The following STMN1 variants were observed in gnomAD, a reference collection of about 807,000 sequenced individuals.
STMN1 encodes stathmin 1.
In STMN1, 3 loss-of-function variants were observed where a neutral mutation model predicts 19.7. That is an observed-to-expected ratio of 0.15 (90% CI 0.07 to 0.39). The LOEUF is 0.39. Among genes scored for constraint, STMN1 ranks in the 10% least tolerant of loss-of-function variants. STMN1 has a pLI of 1.00. For synonymous variants in STMN1, 59 were observed against 58.9 expected, an observed-to-expected ratio of 1.00 and a Z score of -0.01; for missense variants, 99 against 176.0, an observed-to-expected ratio of 0.56 and a Z score of 2.48.
chr1:25,885,503 C>A (rs1398282867), exon 5 of STMN1: 1 of 524,846 alleles, frequency 1.9e-6, no homozygotes, highest in South Asian at 3.6e-5. Flanking sequence ...TCTGTCCTTA[C>A]AACAAACCAC....
rs2048857509 is a variant in STMN1, at chr1:25,900,377, C to T, written c.*639G>A. 1 of 985,574 alleles carries T rather than the reference C, an allele frequency of 1.0e-6. No individual in the cohort carries two copies. The highest frequency in any genetic ancestry group is 1.2e-6 in the Non-Finnish European group (1 of 829,928). The allele number at this position is 985,574 out of a possible 1,614,324, so 61.1% of individuals were successfully genotyped here. A position where few individuals can be genotyped will look rare whatever the true frequency, so the allele number is the denominator to read the frequency against. The stretch of plus-strand genomic sequence containing the variant: ...AACAGCTGACCTGGGCTGAGGCATC[C>T]AAACAAAGCAGTCATTGTGGAAGGA... On this transcript the variant is annotated 3_prime_UTR_variant, in exon 5 of 5. Transcript: ENST00000455785.
intron 4 of STMN1, among the ~76,000 whole-genome samples, chr1:25,891,941 A>AG (rs1352057367): frequency 6.6e-6 from 1 of 152,170 alleles, no homozygotes; most frequent in Non-Finnish European, 1.5e-5. Context: ...GCAGCCTGCG[A>AG]GGGGGTCTCT....
intron 3 of STMN1, 145 bp from the exon 4 acceptor site, chr1:25,901,827 T>C (rs2048878421): frequency 3.0e-6 from 2 of 673,222 alleles, no homozygotes; most frequent in Non-Finnish European, 4.6e-6. Context: ...CTGGCCAACA[T>C]GGTGAAATCC....
At chr1:25,897,047 G>A (rs1407579664), downstream of STMN1, among the ~76,000 whole-genome samples, 1 of 152,224 alleles carries the variant, frequency 6.6e-6, no homozygotes, top group Non-Finnish European at 1.5e-5. Context: ...AGGCGCGGTG[G>A]CTCATGCCTG....
At chr1:25,891,280 G>A (rs1489273136) in intron 4 of STMN1, among the ~76,000 whole-genome samples, 2 of 151,316 alleles carry the variant, frequency 1.3e-5, no homozygotes, top group East Asian at 1.9e-4. Context: ...GCAGTGAGCC[G>A]AGATCATGCC....
intron 4 of STMN1, among the ~76,000 whole-genome samples, chr1:25,894,506 CT>C (rs913107956): frequency 2.6e-5 from 4 of 152,154 alleles, no homozygotes; most frequent in African/African-American, 9.7e-5. Flanking sequence ...ATGGTGAAAT[CT>C]TGTCTCTACA....
rs1256709514 is a variant in STMN1 at position 25,900,741 on chromosome 1, A to G, written c.*275T>C. The G allele has an allele frequency of 2.4e-6, 3 of 1,255,446 alleles. No homozygotes were observed. Among genetic ancestry groups the G allele is most frequent in the South Asian group, 2.3e-5 (1 of 42,788 alleles). The allele number at this position is 1,255,446 out of a possible 1,614,324, so 77.8% of individuals were successfully genotyped here. On this transcript the variant is annotated 3_prime_UTR_variant, in exon 5 of 5. Coordinates refer to ENST00000455785, the MANE Select transcript of STMN1 (RefSeq NM_005563.4). ...AGAGCCAATACAGTACTAGCCATTA[A>G]CCCAGTACACCAAGTGTACTGAAGT... is the stretch of plus-strand genomic sequence containing the variant.
At chr1:25,891,233 A>C (rs2048772316) in intron 4 of STMN1, among the ~76,000 whole-genome samples, 1 of 152,096 alleles carries the variant, frequency 6.6e-6, no homozygotes, top group Non-Finnish European at 1.5e-5. Flanking sequence ...CAGGAGGCTA[A>C]GGCAGGATAA....
chr1:25,904,799 C>T, intron 1 of STMN1, 61 bp from the exon 2 acceptor site: 1 of 1,352,238 alleles, frequency 7.4e-7, no homozygotes, highest in African/African-American at 1.5e-5. Flanking sequence ...GTCATCAACC[C>T]AAAAAAATCT....
chr1:25,904,060 C>A (rs1307792458), intron 2 of STMN1, among the ~76,000 whole-genome samples: 3 of 152,176 alleles, frequency 2.0e-5, no homozygotes, highest in Admixed American at 6.5e-5. Flanking sequence ...TGCCTATAAT[C>A]CCAGCACCGT....
At chr1:25,898,828 C>A (rs112878426), downstream of STMN1, among the ~76,000 whole-genome samples, 29 of 152,318 alleles carry the variant, frequency 1.9e-4, no homozygotes, top group East Asian at 2.9e-3. Context: ...ATGCCGGGCC[C>A]GGGAATGCAT....
chr1:25,894,609 T>C (rs1284793443), intron 4 of STMN1, among the ~76,000 whole-genome samples: 2 of 152,090 alleles, frequency 1.3e-5, no homozygotes. Flanking sequence ...GAGCCAAGGA[T>C]GTTGAGGCTG....
At chr1:25,886,579 C>CTG (rs747001310) in intron 4 of STMN1, among the ~76,000 whole-genome samples, 4 of 94,392 alleles carry the variant, frequency 4.2e-5, no homozygotes, top group Admixed American at 2.8e-4. Context: ...ACCCCCACCA[C>CTG]TTTTTTTTTT....
upstream of STMN1, among the ~76,000 whole-genome samples, chr1:25,906,636 A>G (rs1224318240): frequency 6.6e-6 from 1 of 151,776 alleles, no homozygotes; most frequent in Admixed American, 6.6e-5. The surrounding 1 kb of genome is among the most constrained non-coding windows in gnomAD (Gnocchi z 4.5). Context: ...GCGCCTGGGG[A>G]GCATCCCCAG....
At chr1:25,895,069 G>C (rs1051171902) in intron 4 of STMN1, among the ~76,000 whole-genome samples, 1 of 151,852 alleles carries the variant, frequency 6.6e-6, no homozygotes, top group Non-Finnish European at 1.5e-5. Context: ...GGTGACCTGG[G>C]AGGGAGGGAG....
At chr1:25,902,205 G>C (rs1340499494) in intron 3 of STMN1, 1 of 152,104 alleles carries the variant, frequency 6.6e-6, no homozygotes, top group African/African-American at 2.4e-5. Flanking sequence ...TATCTGTTCA[G>C]AAATCTTACC....
intron 4 of STMN1, among the ~76,000 whole-genome samples, chr1:25,886,819 C>T (rs1194606100): frequency 1.3e-5 from 2 of 152,032 alleles, no homozygotes; most frequent in Non-Finnish European, 2.9e-5. Context: ...ATCTCTTGAA[C>T]TCGTGATCTG....
At chr1:25,897,762 C>T (rs2048832141), downstream of STMN1, among the ~76,000 whole-genome samples, 1 of 152,168 alleles carries the variant, frequency 6.6e-6, no homozygotes, top group Non-Finnish European at 1.5e-5. Flanking sequence ...CTCCTACTAG[C>T]TTAGGACCTT....
Position 25,901,689 on chromosome 1 carries a change from A to G in STMN1, c.187-7T>C. The stretch of plus-strand genomic sequence containing the variant: ...AGACCTCAGCTTCATGGGACTGGAA[A>G]AAAAAGTTTAATAGGCTAGGCACTC... On this transcript the variant is annotated splice_region_variant and splice_polypyrimidine_tract_variant and intron_variant, in intron 3 of 4. Transcript: ENST00000455785. The G allele has an allele frequency of 5.0e-6, 8 of 1,603,968 alleles. No individual in the cohort carries two copies. The highest frequency in any genetic ancestry group is 1.7e-4 in the Middle Eastern group (1 of 5,998).
Sources: allele counts gnomAD v4.1 joint callset (sites outside exome capture counted in the v4.1 genomes callset), GRCh38; gene constraint gnomAD v4.1.1; non-coding constraint Gnocchi (gnomAD v3.1); transcripts MANE v1.5; gene names NCBI Gene and HGNC (gene_info 2026-07-23, HGNC 2026-07-21).